Variants in SPATA6L observed in about 807,000 individuals in gnomAD.
The protein encoded by SPATA6L is spermatogenesis associated 6 like.
In SPATA6L, 68 loss-of-function variants were observed where a neutral mutation model predicts 49.2. The ratio of observed to expected loss-of-function variants is 1.38; its 90% CI spans 1.14 to 1.69. The LOEUF (loss-of-function observed/expected upper bound fraction) is 1.69, where lower values mean the gene tolerates loss of function less well. SPATA6L is among the 40% of genes most tolerant of loss of function. SPATA6L has a pLI of 0.00. For synonymous variants in SPATA6L, 198 were observed against 165.7 expected (o/e 1.19, Z -1.50); for missense variants, 668 against 464.3 (o/e 1.44, Z -4.03).
intron 4 of SPATA6L, among the ~76,000 whole-genome samples, chr9:4,632,034 CTTTTTTTTTTTT>C (rs905629115): frequency 8.8e-6 from 1 of 113,020 alleles, no homozygotes; most frequent in Non-Finnish European, 1.7e-5. Flanking sequence ...ACATCAGCTA[CTTTTTTTTTTTT>C]TTTTTTTTTT....
intron 9 of SPATA6L, among the ~76,000 whole-genome samples, chr9:4,609,131 A>C (rs1301587234): frequency 2.0e-5 from 3 of 151,598 alleles, no homozygotes; most frequent in South Asian, 2.1e-4. Context: ...CAATAACAGG[A>C]TCTGAAATTG....
chr9:4,607,724 A>T (rs1404344054), intron 9 of SPATA6L, among the ~76,000 whole-genome samples: 5 of 152,222 alleles, frequency 3.3e-5, no homozygotes, highest in Non-Finnish European at 7.3e-5. Context: ...GACTAGGAAG[A>T]AACTGCATCA....
intron 13 of SPATA6L, among the ~76,000 whole-genome samples, chr9:4,589,539 A>G (rs1348819441): frequency 1.3e-5 from 2 of 152,232 alleles, no homozygotes; most frequent in Admixed American, 1.3e-4. Flanking sequence ...AATCTAAAGA[A>G]TATCAAACTT....
chr9:4,654,314 T>A (rs574931676), intron 3 of SPATA6L, among the ~76,000 whole-genome samples: 21 of 152,174 alleles, frequency 1.4e-4, no homozygotes, highest in African/African-American at 5.1e-4. Context: ...TCTCAGGACG[T>A]GCGATGGGGG....
intron 9 of SPATA6L, among the ~76,000 whole-genome samples, chr9:4,609,536 G>A (rs1406665756): frequency 6.6e-6 from 1 of 151,886 alleles, no homozygotes; most frequent in Non-Finnish European, 1.5e-5. Context: ...CAGAACCAAA[G>A]ACAAAAACCA....
chr9:4,650,328 T>C (rs1031204863), intron 3 of SPATA6L, among the ~76,000 whole-genome samples: 1 of 152,128 alleles, frequency 6.6e-6, no homozygotes, highest in African/African-American at 2.4e-5. Context: ...CTGAGTAACA[T>C]CTCAGTTGCA....
intron 4 of SPATA6L, among the ~76,000 whole-genome samples, chr9:4,629,769 G>GTGTGTATATATATATATATATA (rs1311805859): frequency 9.8e-6 from 1 of 101,922 alleles, no homozygotes; most frequent in African/African-American, 5.0e-5. Flanking sequence ...GTGTGTGTGT[G>GTGTGTATATATATATATATATA]TATATATATA....
chr9:4,639,546 C>G (rs572085812), intron 3 of SPATA6L, among the ~76,000 whole-genome samples: 15 of 152,312 alleles, frequency 9.8e-5, no homozygotes, highest in Admixed American at 2.0e-4. Context: ...GAAATCCAAA[C>G]TGCCACCAAG....
chr9:4,646,425 A>T, intron 3 of SPATA6L: 1 of 1,228,988 alleles, frequency 8.1e-7, no homozygotes, highest in Non-Finnish European at 1.1e-6. Context: ...CCATTTTGAC[A>T]GGCCAAATTT....
chr9:4,606,854 G>T (rs1825354931), intron 9 of SPATA6L, among the ~76,000 whole-genome samples: 3 of 146,574 alleles, frequency 2.0e-5, no homozygotes, highest in African/African-American at 8.0e-5. Flanking sequence ...CTGAGCTACG[G>T]GAGGACATTC....
intron 1 of SPATA6L, chr9:4,663,047 C>G (rs1263404396): frequency 9.3e-6 from 15 of 1,613,936 alleles, no homozygotes; most frequent in Non-Finnish European, 1.2e-5. Context: ...TGTCGAGGTT[C>G]ATCCTGAACC....
At chr9:4,654,820 G>A (rs1837741607) in intron 3 of SPATA6L, among the ~76,000 whole-genome samples, 1 of 152,152 alleles carries the variant, frequency 6.6e-6, no homozygotes, top group Admixed American at 6.5e-5. Context: ...ACAGGCACAG[G>A]ATGGGGGCAT....
Position 4,590,213 on chromosome 9 carries a change from C to T in SPATA6L, c.*255-1252G>A, listed in dbSNP as rs550397396. ...TGCTGGGATTACAGGCTTGAACCACCGTGCCTGGCTGGGAACAAAATATTG... is the reference window on the plus strand; with the variant it reads ...TGCTGGGATTACAGGCTTGAACCACTGTGCCTGGCTGGGAACAAAATATTG... On this transcript the variant is annotated intron_variant and NMD_transcript_variant, in intron 13 of 13. Transcript: ENST00000461761. Among the ~76,000 whole-genome samples, 14 of 152,276 alleles carry T rather than the reference C, an allele frequency of 9.2e-5. No homozygotes were observed. The South Asian group carries it at 2.9e-3, about 32-fold the overall frequency.
chr9:4,628,535 C>G (rs1054961712), intron 5 of SPATA6L: 1 of 152,488 alleles, frequency 6.6e-6, no homozygotes, highest in Non-Finnish European at 1.5e-5. Flanking sequence ...CAGCCTTGAC[C>G]TCCCAGGCTC....
intron 7 of SPATA6L, 37 bp downstream of exon 7, chr9:4,622,371 T>C (rs1187286772): frequency 4.7e-6 from 6 of 1,270,880 alleles, no homozygotes; most frequent in Non-Finnish European, 6.9e-6. Flanking sequence ...TTTGTTGCCA[T>C]AGGGAAATGT....
intron 3 of SPATA6L, among the ~76,000 whole-genome samples, chr9:4,643,791 G>A (rs1834599824): frequency 6.6e-6 from 1 of 152,174 alleles, no homozygotes; most frequent in Non-Finnish European, 1.5e-5. Flanking sequence ...GATCACCTGA[G>A]GTCAGGAGTT....
At chr9:4,658,407 T>C (rs1338039975) in intron 2 of SPATA6L, among the ~76,000 whole-genome samples, 3 of 152,160 alleles carry the variant, frequency 2.0e-5, no homozygotes, top group Non-Finnish European at 4.4e-5. Context: ...TAGTTGCAGC[T>C]AGAGAAGGAA....
chr9:4,647,982 G>A (rs921177527), intron 3 of SPATA6L, among the ~76,000 whole-genome samples: 34 of 152,032 alleles, frequency 2.2e-4, no homozygotes, highest in Non-Finnish European at 4.6e-4. Flanking sequence ...CTACAGGCAC[G>A]TACCACAGCG....
chr9:4,652,308 G>A (rs1034562606), intron 3 of SPATA6L, among the ~76,000 whole-genome samples: 2 of 152,056 alleles, frequency 1.3e-5, no homozygotes, highest in East Asian at 3.9e-4. Flanking sequence ...TGTAATGCCA[G>A]CTACTAGGGA....
Sources: allele counts gnomAD v4.1 joint callset (sites outside exome capture counted in the v4.1 genomes callset), GRCh38; gene constraint gnomAD v4.1.1; transcripts MANE v1.5; gene names NCBI Gene and HGNC (gene_info 2026-07-23, HGNC 2026-07-21).